MATCAP2: variants seen among roughly 807,000 people sequenced by gnomAD.
MATCAP2 encodes the protein microtubule associated tyrosine carboxypeptidase 2.
At chr7:36,386,684 A>G in the MATCAP2 span, among the ~76,000 whole-genome samples, 1 of 152,200 alleles carries the variant, frequency 6.6e-6, no homozygotes, top group East Asian at 1.9e-4. Flanking sequence ...AAATCACAGA[A>G]AAAGAAAATT....
the MATCAP2 span, chr7:36,325,157 GAGC>G: frequency 6.6e-6 from 1 of 152,268 alleles, no homozygotes; most frequent in Non-Finnish European, 1.5e-5. Context: ...AGAGGTGTAA[GAGC>G]AGATTCTAGT....
chr7:36,366,051 T>G, the MATCAP2 span, among the ~76,000 whole-genome samples: 1 of 152,232 alleles, frequency 6.6e-6, no homozygotes, highest in African/African-American at 2.4e-5. Flanking sequence ...TCAGTTAGAA[T>G]GCTCACAGAA....
chr7:36,328,144 G>T, the MATCAP2 span, among the ~76,000 whole-genome samples: 2 of 150,410 alleles, frequency 1.3e-5, no homozygotes, highest in Non-Finnish European at 2.9e-5. Context: ...TCACAGCTCA[G>T]TGTAGCCTCG....
At chr7:36,351,056 T>C in the MATCAP2 span, among the ~76,000 whole-genome samples, 1 of 152,216 alleles carries the variant, frequency 6.6e-6, no homozygotes, top group South Asian at 2.1e-4. Flanking sequence ...AATCAGAATT[T>C]ACTTCCTAAC....
chr7:36,337,360 T>C, the MATCAP2 span, among the ~76,000 whole-genome samples: 1 of 151,916 alleles, frequency 6.6e-6, no homozygotes, highest in Non-Finnish European at 1.5e-5. Context: ...TGGTAAGGAA[T>C]CACAAATTAT....
the MATCAP2 span, among the ~76,000 whole-genome samples, chr7:36,369,459 C>A: frequency 2.6e-5 from 4 of 152,164 alleles, no homozygotes; most frequent in African/African-American, 9.7e-5. Flanking sequence ...GCATCTATTA[C>A]CTCTACAAAT....
the MATCAP2 span, among the ~76,000 whole-genome samples, chr7:36,347,406 A>C: frequency 6.6e-6 from 1 of 152,216 alleles, no homozygotes; most frequent in Non-Finnish European, 1.5e-5. Flanking sequence ...ACTTAATGAA[A>C]AACTACATAC....
the MATCAP2 span, among the ~76,000 whole-genome samples, chr7:36,359,527 G>T: frequency 6.6e-6 from 1 of 152,216 alleles, no homozygotes; most frequent in East Asian, 1.9e-4. Context: ...TCTGAATTTT[G>T]GTGTCTAAAA....
chr7:36,370,482 T>G, the MATCAP2 span, among the ~76,000 whole-genome samples: 1 of 152,196 alleles, frequency 6.6e-6, no homozygotes, highest in Non-Finnish European at 1.5e-5. Context: ...TTTTATTTAT[T>G]TATTTTTCCT....
chr7:36,359,017 A>G, the MATCAP2 span, among the ~76,000 whole-genome samples: 7 of 152,224 alleles, frequency 4.6e-5, no homozygotes, highest in Non-Finnish European at 7.4e-5. Context: ...ACTCCTGTCA[A>G]TAAGTGTTCA....
chr7:36,362,556 A>G, the MATCAP2 span, among the ~76,000 whole-genome samples: 32 of 152,278 alleles, frequency 2.1e-4, no homozygotes, highest in African/African-American at 7.2e-4. Context: ...CCAGAAACAA[A>G]CTTTCCCATG....
chr7:36,324,806 C>CA, the MATCAP2 span: 3 of 152,058 alleles, frequency 2.0e-5, no homozygotes, highest in Non-Finnish European at 1.5e-5. Context: ...AGCAGTAAGG[C>CA]AAAAAAGCAG....
the MATCAP2 span, chr7:36,330,853 C>T: frequency 1.8e-6 from 1 of 564,822 alleles, no homozygotes; most frequent in African/African-American, 1.8e-5. Flanking sequence ...CTTGATACGA[C>T]ATAAAGAAAA....
At chr7:36,379,876 A>AGAGAGT in the MATCAP2 span, among the ~76,000 whole-genome samples, 1 of 149,562 alleles carries the variant, frequency 6.7e-6, no homozygotes, top group African/African-American at 2.5e-5. Flanking sequence ...AGAGAGAGAG[A>AGAGAGT]ATATAAAGCC....
At chr7:36,380,333 G>T in the MATCAP2 span, among the ~76,000 whole-genome samples, 1 of 152,156 alleles carries the variant, frequency 6.6e-6, no homozygotes, top group African/African-American at 2.4e-5. Flanking sequence ...AAATGTGATC[G>T]AGACTGTGAT....
chr7:36,371,388 C>G, the MATCAP2 span, among the ~76,000 whole-genome samples: 4 of 152,280 alleles, frequency 2.6e-5, no homozygotes, highest in Non-Finnish European at 5.9e-5. Context: ...GCTAGGATTA[C>G]AGATGTGAGC....
the MATCAP2 span, among the ~76,000 whole-genome samples, chr7:36,388,226 A>C: frequency 1.3e-5 from 2 of 152,044 alleles, no homozygotes; most frequent in Non-Finnish European, 2.9e-5. Context: ...GTTTATGATT[A>C]AATGGTCATT....
the MATCAP2 span, among the ~76,000 whole-genome samples, chr7:36,374,148 A>G: frequency 6.6e-6 from 1 of 151,982 alleles, no homozygotes; most frequent in Non-Finnish European, 1.5e-5. Context: ...GTGAGATCAC[A>G]GCTCACTGCA....
the MATCAP2 span, among the ~76,000 whole-genome samples, chr7:36,387,483 G>T: frequency 6.6e-6 from 1 of 151,892 alleles, no homozygotes; most frequent in Admixed American, 6.6e-5. Flanking sequence ...AGTCATTCTA[G>T]CCTAGAAACT....
Sources: gnomAD v4.1 joint callset for allele counts (sites outside exome capture counted in the v4.1 genomes callset) on GRCh38, gnomAD v4.1.1 for gene constraint, MANE v1.5 for transcripts, NCBI Gene and HGNC (gene_info 2026-07-23, HGNC 2026-07-21) for gene names.